The following INCENP variants were observed in gnomAD, a reference collection of about 807,000 sequenced individuals.
INCENP encodes binds and activates aurora-B and -C in vivo and in vitro.
In INCENP, 43 loss-of-function variants were observed where a neutral mutation model predicts 107.3. The ratio of observed to expected loss-of-function variants is 0.40; its 90% CI spans 0.31 to 0.52. INCENP has a LOEUF of 0.52. Among genes scored for constraint, INCENP ranks in the 20% least tolerant of loss-of-function variants. INCENP has a pLI of 0.53. For synonymous variants in INCENP, 488 were observed against 494.4 expected (o/e 0.99, Z 0.17); for missense variants, 1,089 against 1,250.9 (o/e 0.87, Z 1.95).
At chr11:62,141,415 T>C in intron 10 of INCENP, 85 bp from the exon 11 acceptor site, 1 of 1,575,646 alleles carries the variant, frequency 6.3e-7, no homozygotes, top group Non-Finnish European at 8.7e-7. Context: ...GCAGGCTTGC[T>C]GGCACAGCTG....
chr11:62,150,138 G>A lies in INCENP; in HGVS notation c.2473G>A (p.Asp825Asn). 1 of 1,614,070 alleles carries A rather than the reference G, an allele frequency of 6.2e-7. No homozygotes were observed. Among genetic ancestry groups the A allele is most frequent in the Non-Finnish European group, 8.5e-7 (1 of 1,180,024 alleles). The change falls in exon 18 of 19, where the codon GAT (aspartate) becomes AAT (asparagine). Residue 825 changes from aspartate to asparagine, a missense_variant. Coordinates refer to ENST00000394818, the MANE Select transcript of INCENP (RefSeq NM_001040694.2). ...GATCAACCCAGATAACTACGGGATG[G>A]ATCTGAATAGCGACGACTCCACCGA... ...PKINPDNYGMDLNSDDSTDDE... is the reference protein window; with the variant it reads ...PKINPDNYGMNLNSDDSTDDE...
At chr11:62,148,673 G>C (rs1006332948) in intron 16 of INCENP, 66 bp from the exon 17 acceptor site, 1 of 1,438,528 alleles carries the variant, frequency 7.0e-7, no homozygotes. Context: ...TGGAGCGGAG[G>C]GAAGGGGAGG....
At chr11:62,148,238 A>G (rs1044616351) in intron 15 of INCENP, among the ~76,000 whole-genome samples, 4 of 152,214 alleles carry the variant, frequency 2.6e-5, no homozygotes, top group Non-Finnish European at 4.4e-5. Context: ...CCAAGTTACA[A>G]GGAAAAGTGG....
intron 18 of INCENP, among the ~76,000 whole-genome samples, chr11:62,151,477 AC>A (rs2134689672): frequency 6.6e-6 from 1 of 152,350 alleles, no homozygotes; most frequent in East Asian, 1.9e-4. Flanking sequence ...ATGGGAGAAT[AC>A]AGAACCTGCC....
rs1283550515 is a variant in INCENP, at chr11:62,128,307, G to A, written c.140+6G>A. On this transcript the variant is annotated splice_donor_region_variant and intron_variant, in intron 2 of 18. Coordinates refer to ENST00000394818, the MANE Select transcript of INCENP (RefSeq NM_001040694.2). ...GCCGAGCGCATGTTCACCAGGTGAA[G>A]ACGGGCACAGTGAGAGGCTGGGAAC... 1 of 1,614,060 alleles carries A rather than the reference G, an allele frequency of 6.2e-7. No homozygotes were observed. Among genetic ancestry groups the A allele is most frequent in the Admixed American group, 1.7e-5 (1 of 60,032 alleles).
chr11:62,146,937 ATG>A, intron 15 of INCENP, 35 bp downstream of exon 15: 1 of 1,595,744 alleles, frequency 6.3e-7, no homozygotes, highest in Non-Finnish European at 8.5e-7. Flanking sequence ...CCTGCCTTCC[ATG>A]TGTGTGGAAG....
Position 62,146,842 on chromosome 11 carries a change from A to G in INCENP, c.2144A>G (p.Gln715Arg), listed in dbSNP as rs1241724242. 2 of 1,564,346 alleles carry G rather than the reference A, an allele frequency of 1.3e-6. No individual in the cohort carries two copies. Among genetic ancestry groups the G allele is most frequent in the Non-Finnish European group, 1.7e-6 (2 of 1,154,360 alleles). Residue 715 changes from glutamine to arginine, a missense_variant, in exon 15 of 19, where the codon CAG becomes CGG. Transcript: ENST00000394818. ...CGGCGGGAGCAGGAGCGGCGCGAGC[A>G]GGAGCGACAGCTGGCAGAGCAGGAG... The part of the protein sequence containing the change: ...QERREQERRE[Q>R]ERQLAEQERR...
chr11:62,140,944 C>G lies in INCENP; in HGVS notation c.1493C>G (p.Thr498Arg), dbSNP rs1443951860. The G allele has an allele frequency of 1.2e-6, 2 of 1,614,072 alleles. No individual in the cohort carries two copies. Among genetic ancestry groups the G allele is most frequent in the Admixed American group, 1.7e-5 (1 of 60,016 alleles). Residue 498 changes from threonine to arginine, a missense_variant, in exon 10 of 19, where the codon ACA becomes AGA. Transcript: ENST00000394818. ...CGGCCCCTCCGGACCTTTCTGCACA[C>G]AGTGCAGAGGAACCAGATGCTCATG... ...VVRPLRTFLH[T>R]VQRNQMLMTP...
Position 62,130,273 on chromosome 11 carries a change from G to T in INCENP, c.746G>T (p.Gly249Val), listed in dbSNP as rs755019643. 6.2e-7 allele frequency: 1 copy of T among 1,612,722 alleles called. No homozygotes were observed. Among genetic ancestry groups the T allele is most frequent in the Non-Finnish European group, 8.5e-7 (1 of 1,180,030 alleles). ...CAGGACCCCAAGGGTCAAGGGGTCG[G>T]GACGGGGCGGTCTGCGTCTAAGCTC... ...TPQDPKGQGV[G>V]TGRSASKLRI... is the part of the protein sequence containing the mutation. The change falls in exon 4 of 19, where the codon GGG becomes GTG. Residue 249 changes from glycine to valine, a missense_variant. Transcript: ENST00000394818.
In INCENP at chr11:62,130,014, T is replaced by C. The variant is rs200221164; in HGVS notation, c.487T>C (p.Cys163Arg). 1,316 of 1,614,036 alleles carry C rather than the reference T, an allele frequency of 8.2e-4. 18 individuals are homozygous for C. In the South Asian group the frequency reaches 0.014, roughly 17 times the overall value. ...GAAGCCCGAGGATAACCACACCCAG[T>C]GCCAGCTGGTGCCTGTGGTGGAGAT... Reference protein sequence around the residue: ...TKKPEDNHTQCQLVPVVEIGI... With the variant: ...TKKPEDNHTQRQLVPVVEIGI... Residue 163 changes from cysteine to arginine, a missense_variant, in exon 4 of 19, where the codon TGC (cysteine) becomes CGC (arginine). Physicochemically the swap from Cys to Arg is radical, Grantham distance 180. Transcript: ENST00000394818.
chr11:62,135,983 G>A (rs978003543), intron 4 of INCENP, among the ~76,000 whole-genome samples: 1 of 151,984 alleles, frequency 6.6e-6, no homozygotes, highest in Admixed American at 6.6e-5. Context: ...CTAATTTTTT[G>A]TATTTCTACT....
chr11:62,150,741 G>A (rs910415557), intron 18 of INCENP, among the ~76,000 whole-genome samples: 5 of 152,240 alleles, frequency 3.3e-5, no homozygotes, highest in South Asian at 2.1e-4. Context: ...GTGGGTGAGC[G>A]TGACTGCAAT....
chr11:62,130,599 G>T lies in INCENP; in HGVS notation c.1063+9G>T, dbSNP rs1027979986. 1.2e-6 allele frequency: 2 copies of T among 1,604,824 alleles called. No homozygotes were observed. The highest frequency in any genetic ancestry group is 2.7e-5 in the African/African-American group (2 of 74,904). On this transcript the variant is annotated intron_variant, in intron 4 of 18. Transcript: ENST00000394818. ...CTCTGGCCGCATCATCTGTGAGTCT[G>T]GGGGCTTGGCAGTGGCGGGTGGTCC... is the stretch of plus-strand genomic sequence containing the variant.
chr11:62,127,096 G>A (rs1348641467), intron 1 of INCENP, among the ~76,000 whole-genome samples: 2 of 151,464 alleles, frequency 1.3e-5, no homozygotes, highest in Non-Finnish European at 2.9e-5. Context: ...GGGTGCAATG[G>A]TGTGATCTTG....
At chr11:62,151,593 C>A (rs1010806535) in intron 18 of INCENP, among the ~76,000 whole-genome samples, 169 bp from the exon 19 acceptor site, 4 of 152,122 alleles carry the variant, frequency 2.6e-5, no homozygotes, top group African/African-American at 7.2e-5. Context: ...GGATGTGACA[C>A]AAGGGCGTTC....
chr11:62,144,768 C>T (rs779215689), intron 11 of INCENP: 11 of 758,940 alleles, frequency 1.4e-5, no homozygotes, highest in Non-Finnish European at 1.9e-5. Flanking sequence ...CAGGCCCTTG[C>T]GAGGTAGCTG....
chr11:62,141,693 C>T, intron 11 of INCENP, 182 bp downstream of exon 11: 2 of 786,496 alleles, frequency 2.5e-6, no homozygotes, highest in Non-Finnish European at 2.2e-6. Context: ...AGTTCTGGGC[C>T]CCAGCGTCCT....
Position 62,145,175 on chromosome 11 carries a change from T to C in INCENP, c.1722T>C (p.Arg574=). Residue 574 remains arginine (R), a synonymous_variant, in exon 13 of 19, where the codon CGT becomes CGC. Transcript: ENST00000394818. ...ACTATCCTATGCCCCGCAGGAAGCG[T>C]GAGGAACGCCTCCGCAAGGTGCTGC... ...RRRLEEVKLK[R]EERLRKVLQA... The C allele has an allele frequency of 6.2e-7, 1 of 1,613,922 alleles. No homozygotes were observed. The highest frequency in any genetic ancestry group is 1.1e-5 in the South Asian group (1 of 91,086).
intron 7 of INCENP, 37 bp downstream of exon 7, chr11:62,139,042 G>T (rs753811770): frequency 6.9e-5 from 101 of 1,463,070 alleles, no homozygotes; most frequent in Non-Finnish European, 9.6e-5. Flanking sequence ...AGTGCCCGGA[G>T]CCACAGCGGG....
Sources: allele counts gnomAD v4.1 joint callset (sites outside exome capture counted in the v4.1 genomes callset), GRCh38; gene constraint gnomAD v4.1.1; transcripts MANE v1.5; gene names NCBI Gene and HGNC (gene_info 2026-07-23, HGNC 2026-07-21).